DMD: variants seen among roughly 807,000 people sequenced by gnomAD.
DMD encodes the protein dystrophin, also known as mutant dystrophin.
In DMD, 63 loss-of-function variants were observed where a neutral mutation model predicts 330.1. That is an observed-to-expected ratio of 0.19 (90% CI 0.16 to 0.24). DMD has a LOEUF of 0.24. Among genes scored for constraint, DMD ranks in the 10% least tolerant of loss-of-function variants. The pLI is 1.00. For missense variants in DMD, 3,344 were observed against 2,684.1 expected, an observed-to-expected ratio of 1.25 and a Z score of -5.43; for synonymous variants, 1,223 against 959.8, an observed-to-expected ratio of 1.27 and a Z score of -5.07.
intron 60 of DMD, among the ~76,000 whole-genome samples, chrX:31,398,807 T>C (rs1364819765): frequency 8.9e-6 from 1 of 111,749 alleles, no homozygotes; most frequent in Non-Finnish European, 1.9e-5. Flanking sequence ...TGTATACCAC[T>C]GTGCCTCACT....
Position 31,296,104 on chromosome X carries a change from C to T in DMD, c.9224+27494G>A, listed in dbSNP as rs1422027623. On this transcript the variant is annotated intron_variant, in intron 62 of 78. Transcript: ENST00000357033. The stretch of plus-strand genomic sequence containing the variant: ...AGAAGAAGCTATTAAGAAAATCTTC[C>T]TGAGGTGTTAAACATTGAACATGGA... Among the ~76,000 whole-genome samples, 3 of 109,673 alleles carry T rather than the reference C, an allele frequency of 2.7e-5. No homozygotes were observed. In the East Asian group the frequency reaches 8.5e-4, roughly 31 times the overall value.
chrX:31,938,590 CCTAA>C (rs746242050), intron 45 of DMD, among the ~76,000 whole-genome samples: 4 of 111,544 alleles, frequency 3.6e-5, no homozygotes, highest in African/African-American at 1.3e-4. Context: ...CTTGTTGTTG[CCTAA>C]CTCAGTTTTC....
At chrX:33,305,238 T>TA (rs1406859673) in intron 1 of DMD, among the ~76,000 whole-genome samples, 2 of 106,179 alleles carry the variant, frequency 1.9e-5, no homozygotes, top group Non-Finnish European at 3.9e-5. Context: ...TATGCAGCCA[T>TA]AAAAAATGAT....
At chrX:33,036,010 G>A (rs2094197770) in intron 1 of DMD, among the ~76,000 whole-genome samples, 1 of 111,760 alleles carries the variant, frequency 8.9e-6, no homozygotes. Context: ...TCAAGATAAA[G>A]AAACATCTTC....
intron 7 of DMD, among the ~76,000 whole-genome samples, chrX:32,758,343 C>T (rs2071777364): frequency 9.0e-6 from 1 of 111,333 alleles, no homozygotes; most frequent in Non-Finnish European, 1.9e-5. Flanking sequence ...CTCAAGCTCA[C>T]GCAGCTCTAG....
intron 62 of DMD, among the ~76,000 whole-genome samples, chrX:31,266,505 C>T (rs767595093): frequency 3.5e-4 from 39 of 112,746 alleles, no homozygotes; most frequent in African/African-American, 1.2e-3. Flanking sequence ...CCCCAATCCC[C>T]GCGTGAGGAA....
At chrX:32,332,735 G>A (rs1191366740) in intron 41 of DMD, among the ~76,000 whole-genome samples, 2 of 110,453 alleles carry the variant, frequency 1.8e-5, no homozygotes, top group African/African-American at 3.3e-5. Context: ...AAAAATAGAT[G>A]GGAATTCATT....
At chrX:32,195,964 A>G (rs2096997937) in intron 44 of DMD, among the ~76,000 whole-genome samples, 1 of 111,902 alleles carries the variant, frequency 8.9e-6, no homozygotes, top group Admixed American at 9.5e-5. Context: ...GTTACTATCT[A>G]TCTTCCCATT....
intron 29 of DMD, among the ~76,000 whole-genome samples, chrX:32,413,811 C>T (rs2098154813): frequency 9.5e-6 from 1 of 105,618 alleles, no homozygotes; most frequent in African/African-American, 3.5e-5. Flanking sequence ...ACCTCTGCCT[C>T]CCTGGTTCAA....
At chrX:32,822,704 T>TACAC (rs757600776) in intron 5 of DMD, among the ~76,000 whole-genome samples, 52 of 108,519 alleles carry the variant, frequency 4.8e-4, no homozygotes, top group African/African-American at 1.6e-3. Context: ...GCATATATAC[T>TACAC]ACACACACAC....
chrX:32,271,954 A>T (rs977377597), intron 43 of DMD, among the ~76,000 whole-genome samples: 11 of 111,766 alleles, frequency 9.8e-5, no homozygotes, highest in Non-Finnish European at 1.7e-4. Context: ...CTAGAATATT[A>T]CAGCTTTTGA....
rs1422225800 is a variant in DMD at position 32,335,653 on chromosome X, A to ATATTATGTATATAACATGTTATG, written c.5922+6446_5922+6447insCATAACATGTTATATACATAATA. On this transcript the variant is annotated intron_variant, in intron 41 of 78. Transcript: ENST00000357033. ...ACATAACATATACATAACATGTTAT[A>ATATTATGTATATAACATGTTATG]TACATAACATATACATAATATGTAT... Among the ~76,000 whole-genome samples, 4 of 108,680 alleles carry ATATTATGTATATAACATGTTATG rather than the reference A, an allele frequency of 3.7e-5. No homozygotes were observed. In the East Asian group the frequency reaches 8.7e-4, roughly 24 times the overall value. The allele number at this position is 108,680 out of a possible 115,157, so 94.4% of individuals were successfully genotyped here.
intron 52 of DMD, among the ~76,000 whole-genome samples, chrX:31,680,627 C>T (rs1771962211): frequency 9.1e-6 from 1 of 110,205 alleles, no homozygotes; most frequent in African/African-American, 3.3e-5. Context: ...ATCCACCTGC[C>T]TCGGCCTCCC....
At chrX:32,027,086 T>G (rs940532704) in intron 44 of DMD, among the ~76,000 whole-genome samples, 2 of 109,044 alleles carry the variant, frequency 1.8e-5, no homozygotes, top group African/African-American at 3.4e-5. Flanking sequence ...CGAATTTTGA[T>G]GTACACTTGT....
At chrX:32,068,373 CATTTTTTTTT>C (rs2096274059) in intron 44 of DMD, among the ~76,000 whole-genome samples, 1 of 60,510 alleles carries the variant, frequency 1.7e-5, no homozygotes, top group African/African-American at 7.6e-5. Context: ...CCTTGCTTGT[CATTTTTTTTT>C]TTTTTTTTTT....
At chrX:32,244,040 G>A (rs1168728422) in intron 43 of DMD, among the ~76,000 whole-genome samples, 1 of 101,149 alleles carries the variant, frequency 9.9e-6, no homozygotes, top group Non-Finnish European at 2.0e-5. Flanking sequence ...GTGCCATGCT[G>A]GTGCGCTGCA....
chrX:31,873,435 A>G (rs750208246), intron 48 of DMD, among the ~76,000 whole-genome samples: 1 of 112,163 alleles, frequency 8.9e-6, no homozygotes, highest in South Asian at 3.7e-4. Flanking sequence ...CTTCACTAGA[A>G]TATTCTCAAA....
chrX:32,783,361 C>T (rs1359130397), intron 7 of DMD, among the ~76,000 whole-genome samples: 1 of 103,323 alleles, frequency 9.7e-6, no homozygotes, highest in Non-Finnish European at 2.0e-5. Context: ...TATATATATA[C>T]ACACATATAT....
At position 32,390,560 on chromosome X, in the gene DMD, A is replaced by T. The variant is rs146722307; in HGVS notation, c.4234-379T>A. ...TAGAATTGATATGTTTTATCTTTGA[A>T]GTCACACTCAAATCGGACCAAAGAC... On this transcript the variant is annotated intron_variant, in intron 30 of 78. Transcript: ENST00000357033. 6.1e-3 allele frequency among the ~76,000 whole-genome samples: 681 copies of T among 112,330 alleles called. 4 individuals carry two copies. Among genetic ancestry groups the T allele is most frequent in the Middle Eastern group, 0.037 (8 of 216 alleles).
Sources: gnomAD v4.1 joint callset for allele counts (sites outside exome capture counted in the v4.1 genomes callset) on GRCh38, gnomAD v4.1.1 for gene constraint, MANE v1.5 for transcripts, NCBI Gene and HGNC (gene_info 2026-07-23, HGNC 2026-07-21) for gene names.